The following ACVR1 variants were observed in gnomAD, a reference collection of about 807,000 sequenced individuals.
The protein encoded by ACVR1 is activin receptor type-1.
A neutral mutation model predicts 57.1 loss-of-function variants in ACVR1; 38 were observed. The observed-to-expected ratio is 0.67, with a 90% CI of 0.51 to 0.87. The LOEUF (loss-of-function observed/expected upper bound fraction) is 0.87, where lower values mean the gene tolerates loss of function less well. ACVR1 is among the 40% of genes least tolerant of loss of function. The pLI is 0.00. For missense variants in ACVR1, 463 were observed against 638.2 expected (o/e 0.73, Z 2.96); for synonymous variants, 212 against 228.1 (o/e 0.93, Z 0.63).
At chr2:157,742,671 A>G (rs965420359) in intron 9 of ACVR1, among the ~76,000 whole-genome samples, 5 of 152,244 alleles carry the variant, frequency 3.3e-5, no homozygotes, top group Non-Finnish European at 4.4e-5. Flanking sequence ...TAGTTTTCCA[A>G]TACCTTTAAA....
intron 1 of ACVR1, among the ~76,000 whole-genome samples, chr2:157,858,529 T>C (rs1689614726): frequency 6.6e-6 from 1 of 152,192 alleles, no homozygotes; most frequent in Non-Finnish European, 1.5e-5. Context: ...TGGAGTGCAG[T>C]GGCGCAACCT....
At position 157,764,369 on chromosome 2, in the gene ACVR1, T is replaced by C. The variant is rs186249913; in HGVS notation, c.1066+1552A>G. On this transcript the variant is annotated intron_variant, in intron 8 of 10. Coordinates refer to ENST00000434821, the MANE Select transcript of ACVR1 (RefSeq NM_001111067.4). The stretch of plus-strand genomic sequence containing the variant: ...GGCTATTATTATTATTTTTCTTTTT[T>C]TTTTTTTTTTGTATTTTTAGTAGAG... Among the ~76,000 whole-genome samples the C allele has an allele frequency of 4.7e-5, 7 of 150,462 alleles. No homozygotes were observed. The East Asian group carries it at 7.8e-4, about 17-fold the overall frequency.
rs1559039330 is a variant in ACVR1, at chr2:157,757,045, A to ATATATAT, written c.1264+3834_1264+3835insATATATA. On this transcript the variant is annotated intron_variant, in intron 9 of 10. Coordinates refer to ENST00000434821, the MANE Select transcript of ACVR1 (RefSeq NM_001111067.4). ...TGATATATATATATATATATATATA[A>ATATATAT]AATAGAATACTACTAACCCATAAAA... 3.2e-3 allele frequency among the ~76,000 whole-genome samples: 319 copies of ATATATAT among 98,156 alleles called. 1 individual carries two copies. The highest frequency in any genetic ancestry group is 8.5e-3 in the South Asian group (31 of 3,664). The allele number at this position is 98,156 out of a possible 152,430, so 64.4% of individuals were successfully genotyped here. A position where few individuals can be genotyped will look rare whatever the true frequency, so the allele number is the denominator to read the frequency against.
chr2:157,764,662 G>A (rs577162417), intron 8 of ACVR1, among the ~76,000 whole-genome samples: 13 of 152,178 alleles, frequency 8.5e-5, no homozygotes, highest in South Asian at 4.1e-4. Flanking sequence ...CTTGGGCCAG[G>A]TAAATAGATA....
chr2:157,769,212 G>C (rs1043338754), intron 7 of ACVR1, among the ~76,000 whole-genome samples: 1 of 152,214 alleles, frequency 6.6e-6, no homozygotes, highest in Non-Finnish European at 1.5e-5. Flanking sequence ...GGGCATACTT[G>C]TAAAGGATGG....
At chr2:157,768,744 G>T (rs1235733036) in intron 7 of ACVR1, among the ~76,000 whole-genome samples, 1 of 152,138 alleles carries the variant, frequency 6.6e-6, no homozygotes, top group Non-Finnish European at 1.5e-5. Context: ...GAGTTAGGCT[G>T]CCTGATGTAA....
chr2:157,803,909 AT>A (rs138771390), intron 2 of ACVR1, among the ~76,000 whole-genome samples: 7,889 of 149,570 alleles, frequency 0.053, 217 homozygotes, highest in East Asian at 0.075. Flanking sequence ...ATACTACCTT[AT>A]TTTTTTTTTA....
At chr2:157,873,884 T>C (rs918127108) in intron 1 of ACVR1, among the ~76,000 whole-genome samples, 6 of 152,272 alleles carry the variant, frequency 3.9e-5, no homozygotes, top group African/African-American at 1.2e-4. Context: ...CTGAAATTAA[T>C]ACATTACATT....
At chr2:157,803,908 T>TG (rs1559066690) in intron 2 of ACVR1, among the ~76,000 whole-genome samples, 3 of 146,716 alleles carry the variant, frequency 2.0e-5, no homozygotes, top group African/African-American at 8.1e-5. Context: ...CATACTACCT[T>TG]ATTTTTTTTT....
intron 1 of ACVR1, chr2:157,874,807 T>G (rs1377554838): frequency 6.6e-6 from 1 of 152,126 alleles, no homozygotes; most frequent in Admixed American, 6.6e-5. Context: ...ACTCTTATCA[T>G]ACATCCCTCA....
At chr2:157,804,325 A>T (rs1016832601) in intron 2 of ACVR1, among the ~76,000 whole-genome samples, 3 of 152,246 alleles carry the variant, frequency 2.0e-5, no homozygotes, top group Non-Finnish European at 4.4e-5. Context: ...CCTCTCTAAC[A>T]TCACAGACGT....
At chr2:157,773,171 G>A (rs553296959) in intron 6 of ACVR1, among the ~76,000 whole-genome samples, 44 of 152,258 alleles carry the variant, frequency 2.9e-4, no homozygotes, top group African/African-American at 9.4e-4. Flanking sequence ...CCTGCAAGCC[G>A]TCTAAAAGAG....
chr2:157,756,789 C>A (rs1685441246), intron 9 of ACVR1, among the ~76,000 whole-genome samples: 2 of 151,654 alleles, frequency 1.3e-5, no homozygotes, highest in African/African-American at 4.8e-5. Context: ...TTTGATCCAG[C>A]AATTCCACTA....
chr2:157,811,757 C>A (rs1406564061), intron 2 of ACVR1, among the ~76,000 whole-genome samples: 1 of 152,142 alleles, frequency 6.6e-6, no homozygotes, highest in Non-Finnish European at 1.5e-5. Context: ...AGTGTTAAAT[C>A]TGCCCAATTT....
intron 2 of ACVR1, among the ~76,000 whole-genome samples, chr2:157,816,983 A>G (rs1198005177): frequency 6.6e-6 from 1 of 151,550 alleles, no homozygotes; most frequent in East Asian, 1.9e-4. Context: ...TTTTTGATAC[A>G]AGGTCTTGTT....
At chr2:157,832,709 T>C (rs1688629420) in intron 1 of ACVR1, among the ~76,000 whole-genome samples, 1 of 152,216 alleles carries the variant, frequency 6.6e-6, no homozygotes, top group Admixed American at 6.5e-5. Flanking sequence ...AACACATAGC[T>C]TTGCATCAGA....
At chr2:157,854,441 G>C (rs779882250) in intron 1 of ACVR1, among the ~76,000 whole-genome samples, 1 of 152,156 alleles carries the variant, frequency 6.6e-6, no homozygotes, top group Non-Finnish European at 1.5e-5. Context: ...AGAGTGTATC[G>C]GCCGGGTGCA....
chr2:157,832,933 T>C (rs1355833200), intron 1 of ACVR1, among the ~76,000 whole-genome samples: 1 of 152,160 alleles, frequency 6.6e-6, no homozygotes, highest in Non-Finnish European at 1.5e-5. Context: ...ATAACCCAAA[T>C]TCCCAGAATT....
chr2:157,821,898 T>C (rs896360777), intron 1 of ACVR1, among the ~76,000 whole-genome samples: 4 of 152,172 alleles, frequency 2.6e-5, no homozygotes, highest in Non-Finnish European at 5.9e-5. Flanking sequence ...TGATGGGACC[T>C]GAGTAACAGG....
Sources: allele counts gnomAD v4.1 joint callset (sites outside exome capture counted in the v4.1 genomes callset), GRCh38; gene constraint gnomAD v4.1.1; transcripts MANE v1.5; gene names NCBI Gene and HGNC (gene_info 2026-07-23, HGNC 2026-07-21).